APC: variants seen among roughly 807,000 people sequenced by gnomAD.
APC encodes adenomatous polyposis coli protein.
A neutral mutation model predicts 247.0 loss-of-function variants in APC; 72 were observed. The observed-to-expected ratio is 0.29, with a 90% confidence interval of 0.24 to 0.35. The LOEUF (loss-of-function observed/expected upper bound fraction) is 0.35, where lower values mean the gene tolerates loss of function less well. Ranked by LOEUF, APC falls within the 10% of genes least tolerant of loss-of-function variation. The probability of loss-of-function intolerance (pLI) is 1.00; values close to 1 mark genes in which losing one functional copy is unlikely to be tolerated. For missense variants in APC, 3,400 were observed against 3,360.7 expected (o/e 1.01, Z -0.29); for synonymous variants, 1,254 against 1,162.5 (o/e 1.08, Z -1.60).
At chr5:112,773,951 T>TTA (rs1757322976) in intron 4 of APC, among the ~76,000 whole-genome samples, 1 of 152,146 alleles carries the variant, frequency 6.6e-6, no homozygotes, top group Non-Finnish European at 1.5e-5. Context: ...AAAGTTGAAT[T>TTA]AAACACTTAA....
At chr5:112,821,844 A>G in intron 10 of APC, 52 bp from the exon 11 acceptor site, 1 of 1,399,888 alleles carries the variant, frequency 7.1e-7, no homozygotes, top group Non-Finnish European at 1.0e-6. Context: ...AATAAACATC[A>G]TTGCTCTTCA....
intron 14 of APC, among the ~76,000 whole-genome samples, chr5:112,832,955 T>G (rs1433537083): frequency 3.3e-5 from 5 of 152,108 alleles, no homozygotes; most frequent in Admixed American, 1.3e-4. Flanking sequence ...GATTTCTAAT[T>G]AATGTTTGTT....
In APC at chr5:112,843,391, A is replaced by C. The variant is rs730881267; in HGVS notation, c.7797A>C (p.Lys2599Asn). 1.9e-5 allele frequency: 30 copies of C among 1,613,450 alleles called. No individual in the cohort carries two copies. Among genetic ancestry groups the C allele is most frequent in the Admixed American group, 3.3e-5 (2 of 59,910 alleles). Reference sequence around the variant, plus strand: ...ATGTGAACTCTATTTCAGGAACCAAACAAAGTAAAGAAAACCAAGTATCCG... The same window carrying C: ...ATGTGAACTCTATTTCAGGAACCAACCAAAGTAAAGAAAACCAAGTATCCG... ...EKHVNSISGT[K>N]QSKENQVSAK... Residue 2599 changes from lysine (K) to asparagine (N), a missense_variant, in exon 16 of 16, where the codon AAA (lysine) becomes AAC (asparagine). Physicochemically the swap from Lys to Asn is moderately conservative, Grantham distance 94 (BLOSUM62 0). Transcript: ENST00000257430. The surrounding 1 kb of genome is among the most constrained non-coding windows in gnomAD (Gnocchi z 4.8).
chr5:112,717,923 T>C (rs908047976), intron 1 of APC, among the ~76,000 whole-genome samples: 12 of 132,616 alleles, frequency 9.0e-5, no homozygotes, highest in African/African-American at 3.3e-4. Context: ...TTTTTTTTTT[T>C]TTTTTTTTTT....
At chr5:112,818,309 A>G (rs1284290918) in intron 9 of APC, among the ~76,000 whole-genome samples, 1 of 152,246 alleles carries the variant, frequency 6.6e-6, no homozygotes, top group Admixed American at 6.5e-5. Context: ...CTAAATACGT[A>G]GAATTTATTG....
At chr5:112,776,599 A>T (rs954716263) in intron 5 of APC, among the ~76,000 whole-genome samples, 4 of 152,194 alleles carry the variant, frequency 2.6e-5, no homozygotes, top group African/African-American at 9.6e-5. Context: ...GCACTTTGGG[A>T]GGCTGAGAAA....
chr5:112,818,369 A>C (rs1762720112), intron 9 of APC, among the ~76,000 whole-genome samples: 1 of 152,136 alleles, frequency 6.6e-6, no homozygotes, highest in South Asian at 2.1e-4. Context: ...ACTGACTACA[A>C]ATCCTGGCTC....
rs374464049 is a variant in APC, at chr5:112,842,252, A to G, written c.6658A>G (p.Asn2220Asp). 2.0e-5 allele frequency: 33 copies of G among 1,613,954 alleles called. No homozygotes were observed. Among genetic ancestry groups the G allele is most frequent in the Non-Finnish European group, 2.7e-5 (32 of 1,179,944 alleles). Residue 2220 changes from asparagine (N) to aspartate (D), a missense_variant, in exon 16 of 16, where the codon AAC becomes GAC. This residue lies in a region of APC where 1,788 missense variants were observed against 1,649.5 expected (regional missense o/e 1.08). Transcript: ENST00000257430. ...CCAAATGAAACAGCCCCTTCAAGCA[A>G]ACATGCCTTCAATCTCTCGAGGCAG... ...SGQMKQPLQA[N>D]MPSISRGRTM... is the part of the protein sequence containing the mutation.
chr5:112,822,820 A>G (rs939143117), intron 11 of APC, among the ~76,000 whole-genome samples: 6 of 152,094 alleles, frequency 3.9e-5, no homozygotes, highest in Non-Finnish European at 7.3e-5. Context: ...TTATATTCCT[A>G]TCCCCTCATC....
intron 14 of APC, among the ~76,000 whole-genome samples, chr5:112,832,717 G>T (rs1018302487): frequency 6.6e-6 from 1 of 152,132 alleles, no homozygotes; most frequent in Admixed American, 6.5e-5. Flanking sequence ...TCTTCTCTGG[G>T]AATGTACAGG....
chr5:112,712,121 A>G (rs1394472229), intron 1 of APC, among the ~76,000 whole-genome samples: 1 of 152,206 alleles, frequency 6.6e-6, no homozygotes, highest in African/African-American at 2.4e-5. Context: ...AGACTGCAAC[A>G]CAATACGGGG....
intron 1 of APC, among the ~76,000 whole-genome samples, chr5:112,718,937 T>G (rs2149652784): frequency 6.6e-6 from 1 of 152,356 alleles, no homozygotes; most frequent in Middle Eastern, 3.4e-3. Context: ...GGTTGCCTTT[T>G]AATTCCTTTA....
chr5:112,723,413 G>A (rs1277338732), intron 1 of APC, among the ~76,000 whole-genome samples: 1 of 151,952 alleles, frequency 6.6e-6, no homozygotes, highest in Non-Finnish European at 1.5e-5. Context: ...AGTGAGCCAA[G>A]ATTATGCCAC....
rs1765922734 is a variant in APC, at chr5:112,840,911, A to G, written c.5317A>G (p.Thr1773Ala). ...NQLDGKKKKP[T>A]SPVKPIPQNT... ...GTTAGATGGTAAGAAAAAGAAACCA[A>G]CTTCACCAGTAAAACCTATACCACA... The change falls in exon 16 of 16, where the codon ACT becomes GCT. Residue 1773 changes from threonine (T) to alanine (A), a missense_variant. Transcript: ENST00000257430. This position sits in a 1 kb window ranked among gnomAD's most constrained non-coding sequence, Gnocchi z 4.1. 6.2e-7 allele frequency: 1 copy of G among 1,613,896 alleles called. No individual in the cohort carries two copies. Among genetic ancestry groups the G allele is most frequent in the South Asian group, 1.1e-5 (1 of 91,086 alleles).
chr5:112,803,347 T>C (rs995096251), intron 8 of APC, among the ~76,000 whole-genome samples: 2 of 152,118 alleles, frequency 1.3e-5, no homozygotes, highest in African/African-American at 4.8e-5. Context: ...ATACTAACAA[T>C]AGCAAAAAGT....
chr5:112,748,847 A>G (rs1451507917), intron 1 of APC, among the ~76,000 whole-genome samples: 2 of 152,116 alleles, frequency 1.3e-5, no homozygotes, highest in African/African-American at 4.8e-5. Context: ...GGTTTACAAA[A>G]TTAGCTGGGC....
At chr5:112,800,774 C>T (rs1232792381) in intron 7 of APC, among the ~76,000 whole-genome samples, 3 of 151,842 alleles carry the variant, frequency 2.0e-5, no homozygotes, top group African/African-American at 7.3e-5. Flanking sequence ...GGGTTTTATT[C>T]ATATCAGAAG....
chr5:112,819,641 T>C (rs1439766657), intron 10 of APC, among the ~76,000 whole-genome samples: 1 of 152,214 alleles, frequency 6.6e-6, no homozygotes, highest in Admixed American at 6.5e-5. Context: ...GTTGCCCATC[T>C]TTCACTTCAT....
At chr5:112,724,365 G>A (rs1751652927) in intron 1 of APC, among the ~76,000 whole-genome samples, 1 of 152,158 alleles carries the variant, frequency 6.6e-6, no homozygotes, top group Non-Finnish European at 1.5e-5. Context: ...GCTTAGGATA[G>A]GTATAGACAG....
Sources: gnomAD v4.1 joint callset for allele counts (sites outside exome capture counted in the v4.1 genomes callset) on GRCh38, gnomAD v4.1.1 for gene constraint, gnomAD v4.1.1 regional missense constraint, Gnocchi (gnomAD v3.1) non-coding constraint, MANE v1.5 for transcripts, NCBI Gene and HGNC (gene_info 2026-07-23, HGNC 2026-07-21) for gene names.